The following NUFIP2 variants were observed in gnomAD, a reference collection of about 807,000 sequenced individuals.
NUFIP2 encodes FMR1-interacting protein NUFIP2.
A neutral mutation model predicts 56.9 loss-of-function variants in NUFIP2; 6 were observed. The observed-to-expected ratio is 0.11, with a 90% CI of 0.06 to 0.21. The LOEUF (loss-of-function observed/expected upper bound fraction) is 0.21. Ranked by LOEUF, NUFIP2 falls within the 10% of genes least tolerant of loss-of-function variation. The pLI is 1.00. For synonymous variants in NUFIP2, 321 were observed against 298.2 expected (o/e 1.08, Z -0.79); for missense variants, 828 against 826.8 (o/e 1.00, Z -0.02).
At chr17:29,269,529 G>A (rs540724739) in intron 2 of NUFIP2, among the ~76,000 whole-genome samples, 1 of 151,490 alleles carries the variant, frequency 6.6e-6, no homozygotes, top group South Asian at 2.1e-4. Flanking sequence ...TGCACAGGGG[G>A]ACAAGGTCTT....
chr17:29,280,844 C>T (rs148320551), intron 2 of NUFIP2, among the ~76,000 whole-genome samples: 2,081 of 151,924 alleles, frequency 0.014, 46 homozygotes, highest in African/African-American at 0.047. Flanking sequence ...AAAAATTAGC[C>T]GGGCACGGTG....
At chr17:29,268,818 C>T (rs546642651) in intron 2 of NUFIP2, among the ~76,000 whole-genome samples, 1 of 152,164 alleles carries the variant, frequency 6.6e-6, no homozygotes, top group South Asian at 2.1e-4. Flanking sequence ...CATCAGCCAC[C>T]ACACCCAGCC....
chr17:29,279,968 A>C (rs2069130641), intron 2 of NUFIP2, among the ~76,000 whole-genome samples: 1 of 151,970 alleles, frequency 6.6e-6, no homozygotes, highest in African/African-American at 2.4e-5. Flanking sequence ...ACAGGCCTGC[A>C]CCACTATGCC....
chr17:29,293,993 G>A lies in NUFIP2; in HGVS notation c.67C>T (p.Pro23Ser), dbSNP rs1567684056. ...HHSHHHPHHH[P>S]QQQQQQPHHH... is the part of the protein sequence containing the mutation. ...TGCGGCTGCTGCTGCTGCTGCTGAG[G>A]GTGATGGTGCGGATGGTGGTGGCTG... Residue 23 changes from proline to serine, a missense_variant, in exon 1 of 4, where the codon CCT (proline) becomes TCT (serine). Transcript: ENST00000225388. 4 of 1,613,106 alleles carry A rather than the reference G, an allele frequency of 2.5e-6. No individual in the cohort carries two copies. Among genetic ancestry groups the A allele is most frequent in the African/African-American group, 1.3e-5 (1 of 74,840 alleles).
At position 29,262,729 on chromosome 17, in the gene NUFIP2, TTA is replaced by T. The variant is rs10595554; in HGVS notation, c.*1808_*1809del. 0.23 allele frequency: 33,040 copies of T among 146,386 alleles called. 4,082 individuals carry two copies. The highest frequency in any genetic ancestry group is 0.34 in the South Asian group (1,591 of 4,710). 9.1% of individuals were successfully genotyped at this position (146,386 alleles called of 1,614,324 possible). A position where few individuals can be genotyped will look rare whatever the true frequency, so the allele number is the denominator to read the frequency against. On this transcript the variant is annotated 3_prime_UTR_variant, in exon 4 of 4. Transcript: ENST00000225388. ...ACCTGGACTGATACAATAAGTTATT[TTA>T]TATATATATATATATATTATGTATA...
intron 2 of NUFIP2, among the ~76,000 whole-genome samples, chr17:29,281,161 G>A (rs964161190): frequency 6.6e-5 from 9 of 136,880 alleles, no homozygotes; most frequent in Non-Finnish European, 1.4e-4. Flanking sequence ...AAAAATACAA[G>A]AATTAGCTGG....
At chr17:29,269,993 T>C (rs919213144) in intron 2 of NUFIP2, among the ~76,000 whole-genome samples, 1 of 152,164 alleles carries the variant, frequency 6.6e-6, no homozygotes, top group Non-Finnish European at 1.5e-5. Context: ...GTGCTGGGAT[T>C]ACAGGTGTGA....
Position 29,267,495 on chromosome 17 carries a change from T to C in NUFIP2, c.2035+3A>G. ...ACATTTTAAGTAATCTAATCATTCTTACCTTGCTTCTGCAAATTCCAAATA... is the reference window on the plus strand; with the variant it reads ...ACATTTTAAGTAATCTAATCATTCTCACCTTGCTTCTGCAAATTCCAAATA... On this transcript the variant is annotated splice_donor_region_variant and intron_variant, in intron 3 of 3. Transcript: ENST00000225388. The C allele has an allele frequency of 1.3e-6, 2 of 1,509,462 alleles. No homozygotes were observed. The highest frequency in any genetic ancestry group is 1.8e-6 in the Non-Finnish European group (2 of 1,096,116). 93.5% of individuals were successfully genotyped at this position (1,509,462 alleles called of 1,614,324 possible).
At chr17:29,271,539 A>C (rs1298222377) in intron 2 of NUFIP2, among the ~76,000 whole-genome samples, 1 of 151,636 alleles carries the variant, frequency 6.6e-6, no homozygotes, top group Non-Finnish European at 1.5e-5. Flanking sequence ...TCCGTCTCAA[A>C]AAAAAAAAAA....
chr17:29,270,324 G>GGGAAA (rs1283052873), intron 2 of NUFIP2, among the ~76,000 whole-genome samples: 2 of 81,380 alleles, frequency 2.5e-5, no homozygotes, highest in African/African-American at 8.3e-5. Flanking sequence ...CTAACCTGGA[G>GGGAAA]AAAAAAAAAA....
At chr17:29,278,351 A>T (rs2069120657) in intron 2 of NUFIP2, among the ~76,000 whole-genome samples, 1 of 151,442 alleles carries the variant, frequency 6.6e-6, no homozygotes, top group Non-Finnish European at 1.5e-5. Flanking sequence ...GGTTCACGCT[A>T]TTCTCCTGCC....
chr17:29,278,913 G>A (rs544951437), intron 2 of NUFIP2, among the ~76,000 whole-genome samples: 5 of 152,210 alleles, frequency 3.3e-5, no homozygotes, highest in South Asian at 2.1e-4. Context: ...GGAGAAAGGG[G>A]ACCTTATCCC....
intron 1 of NUFIP2, among the ~76,000 whole-genome samples, chr17:29,289,858 G>T (rs182865130): frequency 6.6e-6 from 1 of 152,046 alleles, no homozygotes; most frequent in Non-Finnish European, 1.5e-5. Context: ...CATACTCAAG[G>T]CATAATCATT....
In NUFIP2 at chr17:29,287,328, T is replaced by C. The variant is rs2069183772; in HGVS notation, c.666A>G (p.Lys222=). 1.2e-6 allele frequency: 2 copies of C among 1,614,042 alleles called. No homozygotes were observed. The highest frequency in any genetic ancestry group is 2.7e-5 in the African/African-American group (2 of 74,912). The change falls in exon 2 of 4, where the codon AAA becomes AAG. Residue 222 remains lysine, a synonymous_variant. Coordinates refer to ENST00000225388, the MANE Select transcript of NUFIP2 (RefSeq NM_020772.3). ...CACTATTGCGCCTAGCTTTCCTTTT[T>C]TTAGGAGTTGTATATCCGCTCTCAG... ...SGSESGYTTP[K]KRKARRNSAK...
chr17:29,293,790 C>G lies in NUFIP2; in HGVS notation c.270G>C (p.Lys90Asn). 1 of 1,249,160 alleles carries G rather than the reference C, an allele frequency of 8.0e-7. No individual in the cohort carries two copies. Among genetic ancestry groups the G allele is most frequent in the Non-Finnish European group, 1.1e-6 (1 of 944,530 alleles). 77.4% of individuals were successfully genotyped at this position (1,249,160 alleles called of 1,614,324 possible). Residue 90 changes from lysine (K) to asparagine (N), a missense_variant, in exon 1 of 4, where the codon AAG (lysine) becomes AAC (asparagine). Physicochemically the swap from Lys to Asn is moderately conservative, Grantham distance 94 (BLOSUM62 0). This residue lies in a region of NUFIP2 where 415 missense variants were observed against 408.7 expected (regional missense o/e 1.02). Coordinates refer to ENST00000225388, the MANE Select transcript of NUFIP2 (RefSeq NM_020772.3). ...CCGTCCTCCCTCCCAGACCTGTTTTCTTCTTCGGCGTTTCCTGGTGCTGCT... is the reference window on the plus strand; with the variant it reads ...CCGTCCTCCCTCCCAGACCTGTTTTGTTCTTCGGCGTTTCCTGGTGCTGCT... ...TLQQHQETPKKKTGYGELNGN... is the reference protein window; with the variant it reads ...TLQQHQETPKNKTGYGELNGN...
chr17:29,264,428 T>TA lies in NUFIP2; in HGVS notation c.*110dup. 1 of 531,796 alleles carries TA rather than the reference T, an allele frequency of 1.9e-6. No individual in the cohort carries two copies. The highest frequency in any genetic ancestry group is 3.5e-6 in the Non-Finnish European group (1 of 288,642). 32.9% of individuals were successfully genotyped at this position (531,796 alleles called of 1,614,324 possible). On this transcript the variant is annotated 3_prime_UTR_variant, in exon 4 of 4. Coordinates refer to ENST00000225388, the MANE Select transcript of NUFIP2 (RefSeq NM_020772.3). ...ATTTGTATATATTATCCTGTGATTC[T>TA]ACTTATGGTTCCTCTGCTGCGTTGA...
In NUFIP2 at chr17:29,286,954, T is replaced by C. The variant is rs140078385; in HGVS notation, c.1040A>G (p.Asn347Ser). 2.5e-6 allele frequency: 4 copies of C among 1,614,060 alleles called. No individual in the cohort carries two copies. Among genetic ancestry groups the C allele is most frequent in the Admixed American group, 3.3e-5 (2 of 59,994 alleles). The change falls in exon 2 of 4, where the codon AAT becomes AGT. Residue 347 changes from asparagine (N) to serine (S), a missense_variant. By Grantham distance (46) the Asn-to-Ser change is conservative. Transcript: ENST00000225388. ...TTTAGGAACTATTTTAGCACTGCTA[T>C]TGTCCACTGGAAAAACTGGGGGTGG... ...FKPPPVFPVDNSSAKIVPKIS... is the reference protein window; with the variant it reads ...FKPPPVFPVDSSSAKIVPKIS...
At position 29,262,786 on chromosome 17, in the gene NUFIP2, T is replaced by C. The variant is rs2069011360; in HGVS notation, c.*1753A>G. On this transcript the variant is annotated 3_prime_UTR_variant, in exon 4 of 4. Coordinates refer to ENST00000225388, the MANE Select transcript of NUFIP2 (RefSeq NM_020772.3). ...AAAGTTTTGTTTACATCAAGTGGAATTGGCAATCCATGCTTATACTTTTAA... is the reference window on the plus strand; with the variant it reads ...AAAGTTTTGTTTACATCAAGTGGAACTGGCAATCCATGCTTATACTTTTAA... 1 of 151,422 alleles carries C rather than the reference T, an allele frequency of 6.6e-6. No individual in the cohort carries two copies. Among genetic ancestry groups the C allele is most frequent in the Non-Finnish European group, 1.5e-5 (1 of 67,862 alleles). 9.4% of individuals were successfully genotyped at this position (151,422 alleles called of 1,614,324 possible). A position where few individuals can be genotyped will look rare whatever the true frequency, so the allele number is the denominator to read the frequency against.
chr17:29,276,959 G>C (rs1047475203), intron 2 of NUFIP2, among the ~76,000 whole-genome samples: 1 of 152,176 alleles, frequency 6.6e-6, no homozygotes, highest in Admixed American at 6.5e-5. Flanking sequence ...GAAGCTAAAA[G>C]GGCTAAAGCT....
Sources: gnomAD v4.1 joint callset for allele counts (sites outside exome capture counted in the v4.1 genomes callset) on GRCh38, gnomAD v4.1.1 for gene constraint, gnomAD v4.1.1 regional missense constraint, MANE v1.5 for transcripts, NCBI Gene and HGNC (gene_info 2026-07-23, HGNC 2026-07-21) for gene names.